XPR1: variants seen among roughly 807,000 people sequenced by gnomAD.
The protein encoded by XPR1 is xenotropic and polytropic retrovirus receptor 1, also known as solute carrier family 53 member 1.
A neutral mutation model predicts 87.5 loss-of-function variants in XPR1; 28 were observed. The ratio of observed to expected loss-of-function variants is 0.32; its 90% CI spans 0.24 to 0.44. XPR1 has a LOEUF of 0.44. XPR1 is among the 20% of genes least tolerant of loss of function. The probability of loss-of-function intolerance (pLI) is 1.00; values close to 1 mark genes in which losing one functional copy is unlikely to be tolerated. For missense variants in XPR1, 559 were observed against 862.3 expected (o/e 0.65, Z 4.41); for synonymous variants, 300 against 306.1 (o/e 0.98, Z 0.21).
chr1:180,794,386 C>T (rs984094839), intron 3 of XPR1, among the ~76,000 whole-genome samples: 7 of 152,096 alleles, frequency 4.6e-5, no homozygotes, highest in East Asian at 1.9e-4. Context: ...TGTGGCACTA[C>T]GACTGTACGT....
intron 12 of XPR1, among the ~76,000 whole-genome samples, chr1:180,866,837 G>C (rs1265751499): frequency 7.9e-6 from 1 of 126,562 alleles, no homozygotes; most frequent in Non-Finnish European, 1.6e-5. Flanking sequence ...TATACTCTAA[G>C]TTTTAGGGTA....
chr1:180,782,304 G>T (rs933175792), intron 2 of XPR1, among the ~76,000 whole-genome samples: 3 of 151,966 alleles, frequency 2.0e-5, no homozygotes, highest in African/African-American at 4.8e-5. Context: ...TTAGCCCATT[G>T]TATTAGTCTA....
chr1:180,765,467 A>G (rs572965779), intron 2 of XPR1, among the ~76,000 whole-genome samples: 1 of 152,248 alleles, frequency 6.6e-6, no homozygotes, highest in African/African-American at 2.4e-5. Flanking sequence ...GCCTCCGAAA[A>G]TCTAGGTCAA....
chr1:180,772,772 A>T (rs183617179), intron 2 of XPR1, among the ~76,000 whole-genome samples: 1 of 152,184 alleles, frequency 6.6e-6, no homozygotes, highest in Non-Finnish European at 1.5e-5. Flanking sequence ...GCCTTTCACC[A>T]TGATTGTGAG....
At chr1:180,687,204 G>T (rs1042547099) in intron 2 of XPR1, among the ~76,000 whole-genome samples, 20 of 152,184 alleles carry the variant, frequency 1.3e-4, no homozygotes, top group African/African-American at 3.6e-4. Flanking sequence ...AAGATACTCT[G>T]AGATATATTG....
chr1:180,802,925 T>TA (rs1464175060), intron 3 of XPR1, among the ~76,000 whole-genome samples: 1 of 152,230 alleles, frequency 6.6e-6, no homozygotes, highest in Non-Finnish European at 1.5e-5. Context: ...ACATTTTGTT[T>TA]ATTTGTTCCT....
At chr1:180,634,106 T>C (rs893351388) in intron 1 of XPR1, among the ~76,000 whole-genome samples, 31 of 152,328 alleles carry the variant, frequency 2.0e-4, no homozygotes, top group African/African-American at 7.0e-4. Context: ...GAGAACCACA[T>C]TGATTCTGGG....
At chr1:180,832,351 C>CT (rs773228096) in intron 9 of XPR1, among the ~76,000 whole-genome samples, 1 of 152,152 alleles carries the variant, frequency 6.6e-6, no homozygotes, top group Non-Finnish European at 1.5e-5. Flanking sequence ...CCTGTTCACT[C>CT]TGCTGATAGC....
At chr1:180,808,834 G>A (rs1370998883) in intron 6 of XPR1, among the ~76,000 whole-genome samples, 1 of 152,132 alleles carries the variant, frequency 6.6e-6, no homozygotes, top group African/African-American at 2.4e-5. Context: ...TGCTTTGGTG[G>A]AATATAAAAT....
At chr1:180,776,005 A>G (rs945239563) in intron 2 of XPR1, among the ~76,000 whole-genome samples, 23 of 152,300 alleles carry the variant, frequency 1.5e-4, no homozygotes, top group African/African-American at 4.1e-4. Flanking sequence ...TACGCAATCT[A>G]AATTTTGCTG....
At chr1:180,847,567 A>G (rs1651726821) in intron 11 of XPR1, among the ~76,000 whole-genome samples, 1 of 152,174 alleles carries the variant, frequency 6.6e-6, no homozygotes, top group South Asian at 2.1e-4. Context: ...TAAGTTTATT[A>G]TAAAGATTAA....
At chr1:180,847,364 C>G (rs943312625) in intron 11 of XPR1, among the ~76,000 whole-genome samples, 3 of 152,196 alleles carry the variant, frequency 2.0e-5, no homozygotes, top group African/African-American at 2.4e-5. Context: ...TCAATTTAAT[C>G]AACCCTTCTT....
intron 11 of XPR1, among the ~76,000 whole-genome samples, chr1:180,843,049 C>A (rs1000296804): frequency 6.6e-6 from 1 of 152,158 alleles, no homozygotes; most frequent in African/African-American, 2.4e-5. Flanking sequence ...GGCTGCTGTG[C>A]GCCCTAATGA....
chr1:180,760,107 C>T (rs890539855), intron 2 of XPR1, among the ~76,000 whole-genome samples: 6 of 152,132 alleles, frequency 3.9e-5, no homozygotes, highest in African/African-American at 9.7e-5. Context: ...ATTGATGGGA[C>T]GTATCTCAAA....
At chr1:180,816,143 G>C (rs1650400247) in intron 7 of XPR1, among the ~76,000 whole-genome samples, 1 of 152,166 alleles carries the variant, frequency 6.6e-6, no homozygotes, top group Non-Finnish European at 1.5e-5. Context: ...TTGGCAACAG[G>C]AATCAGTTTT....
At chr1:180,704,580 A>G (rs941240649) in intron 2 of XPR1, among the ~76,000 whole-genome samples, 20 of 151,604 alleles carry the variant, frequency 1.3e-4, no homozygotes, top group African/African-American at 4.8e-4. Flanking sequence ...CAATTTGTAT[A>G]TTTCAATATA....
intron 1 of XPR1, among the ~76,000 whole-genome samples, chr1:180,656,116 C>T (rs1166496544): frequency 6.6e-6 from 1 of 150,828 alleles, no homozygotes; most frequent in African/African-American, 2.4e-5. Context: ...TTCTGAGCCC[C>T]TGGTAACTAT....
intron 11 of XPR1, among the ~76,000 whole-genome samples, chr1:180,860,659 C>T (rs958787937): frequency 6.6e-6 from 1 of 151,972 alleles, no homozygotes; most frequent in African/African-American, 2.4e-5. Flanking sequence ...GGCAAAACTA[C>T]CAGAAGAGAA....
intron 2 of XPR1, among the ~76,000 whole-genome samples, chr1:180,786,832 A>G (rs1298249942): frequency 6.6e-6 from 1 of 152,052 alleles, no homozygotes; most frequent in Non-Finnish European, 1.5e-5. Context: ...TCACTTTGTC[A>G]TTTCTCACCA....
Sources: allele counts gnomAD v4.1 joint callset (sites outside exome capture counted in the v4.1 genomes callset), GRCh38; gene constraint gnomAD v4.1.1; transcripts MANE v1.5; gene names NCBI Gene and HGNC (gene_info 2026-07-23, HGNC 2026-07-21).